The following GRAP2 variants were observed in gnomAD, a reference collection of about 807,000 sequenced individuals.
GRAP2 encodes GRB2-related adapter protein 2.
Under a neutral mutation model 43.5 loss-of-function variants are expected in GRAP2, and 31 were observed. That is an observed-to-expected ratio of 0.71 (90% CI 0.54 to 0.96). The LOEUF (loss-of-function observed/expected upper bound fraction) is 0.96, where lower values mean the gene tolerates loss of function less well. Among genes scored for constraint, GRAP2 ranks in the 40% least tolerant of loss-of-function variants. The pLI is 0.00. For missense variants in GRAP2, 371 were observed against 424.4 expected, an observed-to-expected ratio of 0.87 and a Z score of 1.11; for synonymous variants, 156 against 164.8, an observed-to-expected ratio of 0.95 and a Z score of 0.41.
At chr22:39,912,876 A>C (rs976795624) in intron 1 of GRAP2, among the ~76,000 whole-genome samples, 11 of 152,032 alleles carry the variant, frequency 7.2e-5, no homozygotes, top group Non-Finnish European at 1.5e-4. Flanking sequence ...TACTCCGTGC[A>C]CAAAGGCAGT....
intron 1 of GRAP2, among the ~76,000 whole-genome samples, chr22:39,913,121 A>G (rs2145577864): frequency 6.7e-6 from 1 of 149,752 alleles, no homozygotes; most frequent in Admixed American, 6.8e-5. Context: ...TATACCTAGG[A>G]GCTGGAGGTT....
At chr22:39,925,067 G>A (rs923304542) in intron 1 of GRAP2, among the ~76,000 whole-genome samples, 1 of 152,150 alleles carries the variant, frequency 6.6e-6, no homozygotes, top group African/African-American at 2.4e-5. Flanking sequence ...AGGCAGGGTG[G>A]GGATAGACTG....
chr22:39,960,454 A>G (rs1436517684), intron 4 of GRAP2: 1 of 398,822 alleles, frequency 2.5e-6, no homozygotes. Context: ...ATTTTCCTCT[A>G]CTTCATCTTT....
At chr22:39,939,251 G>T (rs2066839312) in intron 1 of GRAP2, among the ~76,000 whole-genome samples, 1 of 152,164 alleles carries the variant, frequency 6.6e-6, no homozygotes, top group Non-Finnish European at 1.5e-5. Context: ...TTGTTCTCCT[G>T]GGATCTCGAA....
chr22:39,950,740 G>T (rs1489932700), intron 2 of GRAP2, among the ~76,000 whole-genome samples: 2 of 152,190 alleles, frequency 1.3e-5, no homozygotes, highest in African/African-American at 4.8e-5. Flanking sequence ...TCTGTCCATT[G>T]CAGGTAAAGA....
Position 39,971,095 on chromosome 22 carries a change from G to A in GRAP2, c.*11G>A. ...CCCATGACCCGATAAACTCTTCAGG[G>A]GACAGAAGCTTTTTGTCTGGAGCTG... On this transcript the variant is annotated 3_prime_UTR_variant, in exon 8 of 8. Transcript: ENST00000344138. The A allele has an allele frequency of 1.3e-6, 2 of 1,596,758 alleles. No individual in the cohort carries two copies. Among genetic ancestry groups the A allele is most frequent in the East Asian group, 4.5e-5 (2 of 44,720 alleles).
chr22:39,919,390 A>G (rs2066631017), intron 1 of GRAP2, among the ~76,000 whole-genome samples: 1 of 152,192 alleles, frequency 6.6e-6, no homozygotes, highest in Non-Finnish European at 1.5e-5. Context: ...GTAGATTCAC[A>G]AATAACTTAT....
upstream of GRAP2, chr22:39,901,061 T>C (rs2066489444): frequency 5.8e-6 from 2 of 344,216 alleles, no homozygotes; most frequent in East Asian, 7.8e-5. Flanking sequence ...CCATATGTGC[T>C]AGTTCCTGTG....
At chr22:39,928,432 A>G (rs1476886954) in intron 1 of GRAP2, among the ~76,000 whole-genome samples, 1 of 152,186 alleles carries the variant, frequency 6.6e-6, no homozygotes, top group Admixed American at 6.5e-5. Flanking sequence ...TGTCTCCTTG[A>G]AGCACAGAGA....
At chr22:39,907,095 AT>A in intron 1 of GRAP2, among the ~76,000 whole-genome samples, 1 of 152,240 alleles carries the variant, frequency 6.6e-6, no homozygotes, top group Non-Finnish European at 1.5e-5. Flanking sequence ...TAACAGGAGA[AT>A]CTCAACCAAA....
chr22:39,955,696 T>G (rs1199752540), intron 2 of GRAP2, 123 bp from the exon 3 acceptor site: 1 of 593,400 alleles, frequency 1.7e-6, no homozygotes, highest in African/African-American at 1.9e-5. Context: ...TGTTGAGTTC[T>G]TTCAACTTAT....
intron 1 of GRAP2, among the ~76,000 whole-genome samples, chr22:39,930,140 A>G (rs1331647757): frequency 1.3e-5 from 2 of 152,220 alleles, no homozygotes; most frequent in African/African-American, 2.4e-5. Context: ...ATTTTCTTTT[A>G]CTTTTTAAAG....
At chr22:39,961,593 G>A (rs1391225389) in intron 4 of GRAP2, among the ~76,000 whole-genome samples, 2 of 152,196 alleles carry the variant, frequency 1.3e-5, no homozygotes, top group African/African-American at 2.4e-5. Context: ...CTCAGTCCAC[G>A]CGTAGACATT....
chr22:39,946,590 A>C (rs1351643213), intron 1 of GRAP2, among the ~76,000 whole-genome samples: 2 of 152,220 alleles, frequency 1.3e-5, no homozygotes, highest in Non-Finnish European at 2.9e-5. Flanking sequence ...TGAGTTCCCC[A>C]CTGGCCAATG....
At chr22:39,920,474 G>A (rs1194490893) in intron 1 of GRAP2, among the ~76,000 whole-genome samples, 3 of 152,290 alleles carry the variant, frequency 2.0e-5, no homozygotes, top group East Asian at 1.9e-4. Flanking sequence ...CTGGTTCTCC[G>A]GAACCAGCCT....
rs768711558 is a variant in GRAP2 at position 39,966,161 on chromosome 22, A to AT, written c.459+4dup. 2 of 1,613,190 alleles carry AT rather than the reference A, an allele frequency of 1.2e-6. No individual in the cohort carries two copies. Among genetic ancestry groups the AT allele is most frequent in the Non-Finnish European group, 1.7e-6 (2 of 1,179,230 alleles). The stretch of plus-strand genomic sequence containing the variant: ...GAGACAGAACCCGAGAAGACCAGGT[A>AT]TGCTCCAGATCCAGTCGACCCCAAT... On this transcript the variant is annotated splice_donor_region_variant and intron_variant, in intron 5 of 7. Coordinates refer to ENST00000344138, the MANE Select transcript of GRAP2 (RefSeq NM_004810.4).
At chr22:39,894,319 A>G in the GRAP2 span, among the ~76,000 whole-genome samples, 1 of 151,206 alleles carries the variant, frequency 6.6e-6, no homozygotes, top group Non-Finnish European at 1.5e-5. Context: ...TCGCAAGAAC[A>G]AAAAACCAAA....
chr22:39,936,832 G>A (rs1422949435), intron 1 of GRAP2, among the ~76,000 whole-genome samples: 2 of 152,186 alleles, frequency 1.3e-5, no homozygotes, highest in Non-Finnish European at 2.9e-5. Flanking sequence ...TCTGAGGTCT[G>A]CCAGGTCGAT....
chr22:39,913,973 G>A (rs1439911777), intron 1 of GRAP2, among the ~76,000 whole-genome samples: 9 of 152,164 alleles, frequency 5.9e-5, no homozygotes, highest in Admixed American at 2.0e-4. Flanking sequence ...ACAAACTGCC[G>A]TCTGCAACTG....
Sources: allele counts gnomAD v4.1 joint callset (sites outside exome capture counted in the v4.1 genomes callset), GRCh38; gene constraint gnomAD v4.1.1; transcripts MANE v1.5; gene names NCBI Gene and HGNC (gene_info 2026-07-23, HGNC 2026-07-21).